UNC79: variants seen among roughly 807,000 people sequenced by gnomAD.
The protein encoded by UNC79 is unc-79 subunit of NALCN channel complex.
A neutral mutation model predicts 283.1 loss-of-function variants in UNC79; 37 were observed. The observed-to-expected ratio is 0.13, with a 90% CI of 0.10 to 0.17. The LOEUF is 0.17. Among genes scored for constraint, UNC79 ranks in the 10% least tolerant of loss-of-function variants. The probability of loss-of-function intolerance (pLI) is 1.00; values close to 1 mark genes in which losing one functional copy is unlikely to be tolerated. For synonymous variants in UNC79, 1,107 were observed against 1,200.2 expected (o/e 0.92, Z 1.61); for missense variants, 2,272 against 3,211.1 (o/e 0.71, Z 7.07).
At chr14:93,389,840 A>G (rs1266842528) in intron 1 of UNC79, among the ~76,000 whole-genome samples, 1 of 152,112 alleles carries the variant, frequency 6.6e-6, no homozygotes, top group Non-Finnish European at 1.5e-5. Flanking sequence ...TTTAGTAGAG[A>G]TGGGGTTTTG....
At chr14:93,493,901 A>ATTTTTTTTTTTT (rs71129642) in intron 5 of UNC79, among the ~76,000 whole-genome samples, 2 of 49,252 alleles carry the variant, frequency 4.1e-5, no homozygotes, top group Non-Finnish European at 6.6e-5. Context: ...ATATATATAT[A>ATTTTTTTTTTTT]TTTTTTTTTT....
chr14:93,541,793 C>T (rs2061385076), intron 13 of UNC79, among the ~76,000 whole-genome samples: 2 of 152,096 alleles, frequency 1.3e-5, no homozygotes, highest in East Asian at 3.9e-4. Context: ...ATCACGAGGT[C>T]GGGAGATCGA....
rs2066818028 is a variant in UNC79, at chr14:93,617,545, C to T, written c.4224+241C>T. 6.6e-6 allele frequency among the ~76,000 whole-genome samples: 1 copy of T among 152,156 alleles called. No individual in the cohort carries two copies. Among genetic ancestry groups the T allele is most frequent in the Non-Finnish European group, 1.5e-5 (1 of 68,028 alleles). On this transcript the variant is annotated intron_variant, in intron 28 of 48. Coordinates refer to ENST00000555664, the Ensembl canonical transcript of UNC79. The surrounding 1 kb of genome is among the most constrained non-coding windows in gnomAD (Gnocchi z 4.5). ...ACAAAGAATGATAAATGGTAGGCTA[C>T]TGATCAAGAACCTCTGTTTATACTC...
chr14:93,349,267 T>G, intron 1 of UNC79, among the ~76,000 whole-genome samples: 1 of 152,186 alleles, frequency 6.6e-6, no homozygotes, highest in African/African-American at 2.4e-5. Context: ...ATATACCAAT[T>G]GTGAGAAACA....
chr14:93,370,007 C>T (rs146348354), intron 1 of UNC79, among the ~76,000 whole-genome samples: 7 of 152,266 alleles, frequency 4.6e-5, no homozygotes, highest in South Asian at 2.1e-4. Flanking sequence ...TTGTGGAGTT[C>T]GCAGTCCAGA....
intron 1 of UNC79, among the ~76,000 whole-genome samples, chr14:93,372,817 G>A (rs1442162712): frequency 6.6e-6 from 1 of 152,220 alleles, no homozygotes; most frequent in Admixed American, 6.5e-5. Flanking sequence ...TCAACTGGAT[G>A]TAATGGTCAT....
chr14:93,699,720 A>G (rs1172339912), intron 47 of UNC79, among the ~76,000 whole-genome samples: 1 of 152,132 alleles, frequency 6.6e-6, no homozygotes, highest in Non-Finnish European at 1.5e-5. Flanking sequence ...ACTTTTTGCT[A>G]TTATTGTCAT....
intron 30 of UNC79, among the ~76,000 whole-genome samples, chr14:93,630,381 A>G (rs575172830): frequency 1.6e-4 from 24 of 152,376 alleles, no homozygotes; most frequent in Admixed American, 9.8e-4. Flanking sequence ...GGAATTTTCT[A>G]TATAAATTGA....
intron 1 of UNC79, among the ~76,000 whole-genome samples, chr14:93,438,181 A>G (rs563923891): frequency 6.6e-6 from 1 of 152,206 alleles, no homozygotes; most frequent in Non-Finnish European, 1.5e-5. Context: ...GTGTCATGCT[A>G]TTAAATAACT....
At chr14:93,643,218 C>G (rs2069236642) in intron 33 of UNC79, among the ~76,000 whole-genome samples, 1 of 152,226 alleles carries the variant, frequency 6.6e-6, no homozygotes, top group South Asian at 2.1e-4. Flanking sequence ...GCAATAATGT[C>G]AAATGCATCA....
intron 2 of UNC79, among the ~76,000 whole-genome samples, chr14:93,472,586 A>C (rs2057569870): frequency 6.6e-6 from 1 of 152,114 alleles, no homozygotes; most frequent in Admixed American, 6.6e-5. Flanking sequence ...AAGACAAAGG[A>C]AATCGAGGTA....
At chr14:93,522,576 T>C (rs958908079) in intron 7 of UNC79, among the ~76,000 whole-genome samples, 3 of 152,148 alleles carry the variant, frequency 2.0e-5, no homozygotes, top group Non-Finnish European at 2.9e-5. Context: ...TTGTTACAAC[T>C]CTTTATATTC....
At chr14:93,641,195 G>C in exon 33 of UNC79, 1 of 1,613,840 alleles carries the variant, frequency 6.2e-7, no homozygotes, top group South Asian at 1.1e-5. Context: ...CAGTATGTTT[G>C]TGCCTGCACC....
rs2059706682 is a variant in UNC79 at position 93,509,379 on chromosome 14, C to G, written c.898+12093C>G. 1.3e-5 allele frequency among the ~76,000 whole-genome samples: 2 copies of G among 152,164 alleles called. 1 individual carries two copies. Among genetic ancestry groups the G allele is most frequent in the South Asian group, 4.1e-4 (2 of 4,836 alleles). ...TGCCTTCCCAACAGTCTTCCAAAGT[C>G]TTAACTCATTGCAGCATTAACTCAG... On this transcript the variant is annotated intron_variant, in intron 7 of 48. Coordinates refer to ENST00000555664, the Ensembl canonical transcript of UNC79.
At chr14:93,584,996 C>G (rs1027281528) in intron 20 of UNC79, among the ~76,000 whole-genome samples, 1 of 152,118 alleles carries the variant, frequency 6.6e-6, no homozygotes, top group Non-Finnish European at 1.5e-5. Flanking sequence ...TGCGCCTGGC[C>G]AGCAATTTAT....
chr14:93,692,093 C>A, intron 46 of UNC79, 147 bp downstream of exon 49: 1 of 946,110 alleles, frequency 1.1e-6, no homozygotes, highest in Non-Finnish European at 1.6e-6. Flanking sequence ...GCTGGATGTT[C>A]TGCTTGCATA....
At chr14:93,493,576 A>G (rs1473953681) in intron 5 of UNC79, among the ~76,000 whole-genome samples, 1 of 152,164 alleles carries the variant, frequency 6.6e-6, no homozygotes, top group Non-Finnish European at 1.5e-5. Context: ...GCTATTTAGG[A>G]AGTAAAATTG....
intron 5 of UNC79, among the ~76,000 whole-genome samples, chr14:93,490,807 G>A (rs1039198559): frequency 6.6e-6 from 1 of 152,026 alleles, no homozygotes; most frequent in Non-Finnish European, 1.5e-5. Context: ...GGCAATATAG[G>A]CTTTTTTCTA....
At chr14:93,675,765 G>A (rs2073288731) in intron 41 of UNC79, among the ~76,000 whole-genome samples, 1 of 152,148 alleles carries the variant, frequency 6.6e-6, no homozygotes, top group Non-Finnish European at 1.5e-5. Context: ...GTCTTTGAAG[G>A]GCTTTCTAGG....
Sources: allele counts gnomAD v4.1 joint callset (sites outside exome capture counted in the v4.1 genomes callset), GRCh38; gene constraint gnomAD v4.1.1; non-coding constraint Gnocchi (gnomAD v3.1); transcripts MANE v1.5; gene names NCBI Gene and HGNC (gene_info 2026-07-23, HGNC 2026-07-21).